Variants in CPNE4 observed in about 807,000 individuals in gnomAD.
CPNE4 encodes copine-4.
A neutral mutation model predicts 67.9 loss-of-function variants in CPNE4; 25 were observed. The ratio of observed to expected loss-of-function variants is 0.37; its 90% confidence interval spans 0.27 to 0.51. The LOEUF (loss-of-function observed/expected upper bound fraction) is 0.51. CPNE4 is among the 20% of genes least tolerant of loss of function. The pLI, the probability that CPNE4 is intolerant of heterozygous loss-of-function variation, is 0.93. For missense variants in CPNE4, 464 were observed against 690.8 expected (o/e 0.67, Z 3.68); for synonymous variants, 242 against 244.9 (o/e 0.99, Z 0.11).
At chr3:131,881,144 A>AAG (rs1412171924) in intron 2 of CPNE4, among the ~76,000 whole-genome samples, 1 of 152,240 alleles carries the variant, frequency 6.6e-6, no homozygotes, top group Non-Finnish European at 1.5e-5. Context: ...ACTGTTCCAC[A>AAG]ATCATGCTGG....
chr3:131,572,656 A>G (rs549950431), intron 10 of CPNE4, among the ~76,000 whole-genome samples: 13 of 151,888 alleles, frequency 8.6e-5, no homozygotes, highest in African/African-American at 3.1e-4. Flanking sequence ...ACTTTATGTC[A>G]CCTCTGGTGC....
intron 1 of CPNE4, among the ~76,000 whole-genome samples, chr3:131,936,209 G>A (rs913874612): frequency 2.6e-5 from 4 of 151,828 alleles, no homozygotes; most frequent in Admixed American, 6.6e-5. Context: ...ACATACAAAA[G>A]AGCTGCCAAA....
At chr3:131,537,091 C>CA (rs972354428) in intron 15 of CPNE4, among the ~76,000 whole-genome samples, 2 of 151,090 alleles carry the variant, frequency 1.3e-5, no homozygotes, top group African/African-American at 4.9e-5. Context: ...GCTACACATG[C>CA]AAAAAAAATT....
chr3:131,700,563 T>C (rs1377439976), intron 3 of CPNE4, among the ~76,000 whole-genome samples: 1 of 152,218 alleles, frequency 6.6e-6, no homozygotes, highest in Non-Finnish European at 1.5e-5. Context: ...ATCATCATAC[T>C]GAAAGCTATT....
At chr3:131,877,201 T>C (rs2087495404) in intron 2 of CPNE4, among the ~76,000 whole-genome samples, 1 of 152,056 alleles carries the variant, frequency 6.6e-6, no homozygotes, top group Non-Finnish European at 1.5e-5. Flanking sequence ...TTTTGTCCTT[T>C]AAAAAAGGAT....
chr3:131,658,824 C>T (rs1410415422), intron 7 of CPNE4, among the ~76,000 whole-genome samples: 1 of 152,126 alleles, frequency 6.6e-6, no homozygotes, highest in African/African-American at 2.4e-5. Flanking sequence ...TTTGATGATT[C>T]TACTGACAAT....
At chr3:131,756,160 T>G (rs749689957) in intron 2 of CPNE4, among the ~76,000 whole-genome samples, 1 of 152,156 alleles carries the variant, frequency 6.6e-6, no homozygotes, top group African/African-American at 2.4e-5. Flanking sequence ...ACTCAAGAAG[T>G]CTTAATAGTC....
intron 2 of CPNE4, among the ~76,000 whole-genome samples, chr3:131,754,407 T>C (rs2082705675): frequency 6.6e-6 from 1 of 152,128 alleles, no homozygotes; most frequent in African/African-American, 2.4e-5. Flanking sequence ...TAAAAGGTGA[T>C]GACAAGATCA....
chr3:131,550,588 A>G (rs1936119069), intron 13 of CPNE4, among the ~76,000 whole-genome samples: 1 of 152,086 alleles, frequency 6.6e-6, no homozygotes, highest in African/African-American at 2.4e-5. Flanking sequence ...CGTGCCCTCT[A>G]TAAGAGTCAG....
intron 7 of CPNE4, among the ~76,000 whole-genome samples, chr3:131,655,397 T>G (rs1402046367): frequency 6.6e-6 from 1 of 152,234 alleles, no homozygotes. Flanking sequence ...TTACATCATA[T>G]GCCTTCAAGA....
chr3:131,762,974 A>G (rs2082926502), intron 2 of CPNE4, among the ~76,000 whole-genome samples: 1 of 152,058 alleles, frequency 6.6e-6, no homozygotes, highest in African/African-American at 2.4e-5. Flanking sequence ...CCCATGGGGA[A>G]GGAGATAAGG....
intron 1 of CPNE4, among the ~76,000 whole-genome samples, chr3:131,955,421 T>TTTTTTTTTTG (rs2071927812): frequency 7.6e-6 from 1 of 132,264 alleles, no homozygotes; most frequent in South Asian, 2.6e-4. Flanking sequence ...TTTTTTTTTT[T>TTTTTTTTTTG]TTTTTTTTTT....
intron 1 of CPNE4, among the ~76,000 whole-genome samples, chr3:131,907,692 C>G (rs145209194): frequency 6.6e-6 from 1 of 152,088 alleles, no homozygotes; most frequent in Non-Finnish European, 1.5e-5. Flanking sequence ...GTTGCTTTCA[C>G]TACAATGGCA....
At chr3:131,756,450 C>CT (rs1384160829) in intron 2 of CPNE4, among the ~76,000 whole-genome samples, 1 of 152,234 alleles carries the variant, frequency 6.6e-6, no homozygotes, top group Non-Finnish European at 1.5e-5. Context: ...CAGAGCTTCT[C>CT]TTACTTTGAA....
At position 131,570,811 on chromosome 3, in the gene CPNE4, C is replaced by T. The variant is rs115723159; in HGVS notation, c.927+4260G>A. Among the ~76,000 whole-genome samples the T allele has an allele frequency of 4.7e-3, 720 of 151,980 alleles. 4 individuals carry two copies. The highest frequency in any genetic ancestry group is 0.016 in the African/African-American group (664 of 41,496). ...TCAAATTCTCAAGTGTTCAGGTGACCAAAAAAGAATAAGAATCATTGACTG... is the reference window on the plus strand; with the variant it reads ...TCAAATTCTCAAGTGTTCAGGTGACTAAAAAAGAATAAGAATCATTGACTG... On this transcript the variant is annotated intron_variant, in intron 10 of 15. Transcript: ENST00000429747.
intron 6 of CPNE4, among the ~76,000 whole-genome samples, chr3:131,676,826 A>G (rs185839794): frequency 2.4e-4 from 36 of 152,266 alleles, no homozygotes; most frequent in African/African-American, 8.7e-4. Flanking sequence ...TATTGTGAAT[A>G]GTGCTGCAGT....
At chr3:131,974,564 G>A (rs558050238) in intron 1 of CPNE4, among the ~76,000 whole-genome samples, 16 of 152,208 alleles carry the variant, frequency 1.1e-4, no homozygotes, top group African/African-American at 3.6e-4. Context: ...TGAGAAAAGG[G>A]CCAACTCAAA....
At chr3:131,618,385 A>T (rs1940279743) in intron 7 of CPNE4, among the ~76,000 whole-genome samples, 2 of 151,190 alleles carry the variant, frequency 1.3e-5, no homozygotes, top group Non-Finnish European at 2.9e-5. Context: ...CCAACTTATG[A>T]CTTTTTTGTG....
intron 7 of CPNE4, among the ~76,000 whole-genome samples, chr3:131,599,981 A>G (rs1939112029): frequency 6.6e-6 from 1 of 152,152 alleles, no homozygotes; most frequent in South Asian, 2.1e-4. Flanking sequence ...GATTTTGATG[A>G]AACAAGAGCC....
Sources: allele counts gnomAD v4.1 joint callset (sites outside exome capture counted in the v4.1 genomes callset), GRCh38; gene constraint gnomAD v4.1.1; transcripts MANE v1.5; gene names NCBI Gene and HGNC (gene_info 2026-07-23, HGNC 2026-07-21).